TMEM62: variants seen among roughly 807,000 people sequenced by gnomAD.
The protein encoded by TMEM62 is transmembrane protein 62.
In TMEM62, 41 loss-of-function variants were observed where a neutral mutation model predicts 70.4. The observed-to-expected ratio is 0.58, with a 90% CI of 0.45 to 0.76. The LOEUF (loss-of-function observed/expected upper bound fraction) is 0.76, where lower values mean the gene tolerates loss of function less well. Among genes scored for constraint, TMEM62 ranks in the 30% least tolerant of loss-of-function variants. TMEM62 has a pLI of 0.00. For synonymous variants in TMEM62, 268 were observed against 291.0 expected (o/e 0.92, Z 0.80); for missense variants, 688 against 788.5 (o/e 0.87, Z 1.53).
chr15:43,184,600 C>T lies in TMEM62; in HGVS notation c.*14C>T. 4 of 1,603,266 alleles carry T rather than the reference C, an allele frequency of 2.5e-6. No individual in the cohort carries two copies. The highest frequency in any genetic ancestry group is 8.5e-7 in the Non-Finnish European group (1 of 1,177,526). ...CTGAGCTCCTGAAGGCCATGTCTCA[C>T]CACTGGCAGCTGGGCAGAAGCCCAG... On this transcript the variant is annotated 3_prime_UTR_variant, in exon 14 of 14. Coordinates refer to ENST00000260403, the MANE Select transcript of TMEM62 (RefSeq NM_024956.4).
chr15:43,156,548 C>G (rs749506082), intron 9 of TMEM62, among the ~76,000 whole-genome samples: 2 of 152,080 alleles, frequency 1.3e-5, no homozygotes, highest in African/African-American at 2.4e-5. Flanking sequence ...TTCACAGTCA[C>G]TACAGTCTGG....
In TMEM62 at chr15:43,133,742, CG is replaced by C; in HGVS notation, c.-58del. 8.2e-7 allele frequency: 1 copy of C among 1,216,492 alleles called. No individual in the cohort carries two copies. The allele number at this position is 1,216,492 out of a possible 1,614,324, so 75.4% of individuals were successfully genotyped here. On this transcript the variant is annotated 5_prime_UTR_variant, in exon 1 of 14. Coordinates refer to ENST00000260403, the MANE Select transcript of TMEM62 (RefSeq NM_024956.4). ...CCGGAAGTGCAGGCAAAGCGGCTCC[CG>C]GGAGCGCCGCGCGGTCCTGCGCGGG...
chr15:43,163,918 G>A (rs1349006629), intron 10 of TMEM62, among the ~76,000 whole-genome samples: 2 of 152,198 alleles, frequency 1.3e-5, no homozygotes, highest in African/African-American at 4.8e-5. Context: ...AAGCACCTAG[G>A]TCATATGTCA....
In TMEM62 at chr15:43,154,750, T is replaced by A. The variant is rs189259724; in HGVS notation, c.1101T>A (p.His367Gln). Residue 367 changes from histidine (H) to glutamine (Q), a missense_variant, in exon 9 of 14, where the codon CAT (histidine) becomes CAA (glutamine). Transcript: ENST00000260403. ...GAGTTCATTTAGGCCAGGCTGTTCA[T>A]GTGTCTGGTCCCATTTTCGTACTGA... ...IDGVHLGQAV[H>Q]VSGPIFVLKW... is the part of the protein sequence containing the mutation. 2 of 1,614,094 alleles carry A rather than the reference T, an allele frequency of 1.2e-6. No homozygotes were observed. The highest frequency in any genetic ancestry group is 2.2e-5 in the South Asian group (2 of 91,074).
Position 43,175,899 on chromosome 15 carries a change from C to T in TMEM62, c.1382-2708C>T, listed in dbSNP as rs889617723. ...GCGAGGCATTGCCTCACTCGGGAAG[C>T]GCAAGGGGTCGGGGAGTTCCCTTTC... On this transcript the variant is annotated intron_variant, in intron 11 of 13. Coordinates refer to ENST00000260403, the MANE Select transcript of TMEM62 (RefSeq NM_024956.4). Among the ~76,000 whole-genome samples, 8 of 152,198 alleles carry T rather than the reference C, an allele frequency of 5.3e-5. No homozygotes were observed. In the South Asian group the frequency reaches 1.0e-3, roughly 20 times the overall value.
At position 43,133,801 on chromosome 15, in the gene TMEM62, G is replaced by C; in HGVS notation, c.-2G>C. On this transcript the variant is annotated 5_prime_UTR_variant, in exon 1 of 14. Transcript: ENST00000260403. ...AGGGCCGCGCCCCGGCGGGCGGGCG[G>C]CATGGCTGCAGTGCTGGCTCTCAGG... 7.3e-7 allele frequency: 1 copy of C among 1,375,344 alleles called. No individual in the cohort carries two copies. The highest frequency in any genetic ancestry group is 9.3e-7 in the Non-Finnish European group (1 of 1,071,768). The allele number at this position is 1,375,344 out of a possible 1,614,324, so 85.2% of individuals were successfully genotyped here. A position where few individuals can be genotyped will look rare whatever the true frequency, so the allele number is the denominator to read the frequency against.
Position 43,181,160 on chromosome 15 carries a change from T to C in TMEM62, c.1487-21T>C, listed in dbSNP as rs776973709. The C allele has an allele frequency of 4.9e-6, 7 of 1,437,764 alleles. No homozygotes were observed. The East Asian group carries it at 1.6e-4, about 33-fold the overall frequency. The allele number at this position is 1,437,764 out of a possible 1,614,324, so 89.1% of individuals were successfully genotyped here. ...TTATAGTTATTTAATCTCCTCCTTT[T>C]TTGTCCATTGCCTCTTTTAGGTCCA... On this transcript the variant is annotated intron_variant, in intron 12 of 13. Transcript: ENST00000260403.
intron 4 of TMEM62, among the ~76,000 whole-genome samples, chr15:43,140,327 G>A (rs574115427): frequency 7.2e-5 from 11 of 152,224 alleles, no homozygotes; most frequent in African/African-American, 2.2e-4. Context: ...CCACCTTCTC[G>A]GCCTCCTTCT....
chr15:43,141,862 G>A (rs958801407), intron 4 of TMEM62, among the ~76,000 whole-genome samples: 4 of 152,226 alleles, frequency 2.6e-5, no homozygotes, highest in Non-Finnish European at 5.9e-5. Flanking sequence ...AGGAAGAACT[G>A]TAAATGTGGA....
In TMEM62 at chr15:43,149,132, G is replaced by A. The variant is rs534631194; in HGVS notation, c.847G>A (p.Asp283Asn). The A allele has an allele frequency of 7.4e-6, 12 of 1,614,062 alleles. No individual in the cohort carries two copies. Among genetic ancestry groups the A allele is most frequent in the South Asian group, 4.4e-5 (4 of 91,062 alleles). ...GGGCACTTTGGAACTTGAGGTGGGA[G>A]ACTGGAAGGATAATAGGAGGTAAGG... ...FQGTLELEVG[D>N]WKDNRRYRIF... Residue 283 changes from aspartate (D) to asparagine (N), a missense_variant, in exon 7 of 14, where the codon GAC becomes AAC. By Grantham distance (23) the Asp-to-Asn change is conservative. Transcript: ENST00000260403.
chr15:43,185,124 G>T lies in TMEM62; in HGVS notation c.*538G>T. 3.1e-6 allele frequency: 1 copy of T among 322,352 alleles called. No individual in the cohort carries two copies. The highest frequency in any genetic ancestry group is 5.8e-6 in the Non-Finnish European group (1 of 172,204). 20.0% of individuals were successfully genotyped at this position (322,352 alleles called of 1,614,324 possible). On this transcript the variant is annotated 3_prime_UTR_variant, in exon 14 of 14. Coordinates refer to ENST00000260403, the MANE Select transcript of TMEM62 (RefSeq NM_024956.4). The stretch of plus-strand genomic sequence containing the variant: ...AGTGTTTTCAACTAATCAAATAAAT[G>T]AATGAATGATGAATAAGAAAGACGG...
intron 13 of TMEM62, among the ~76,000 whole-genome samples, 172 bp downstream of exon 13, chr15:43,181,471 A>G (rs1239428971): frequency 6.6e-6 from 1 of 152,060 alleles, no homozygotes; most frequent in Non-Finnish European, 1.5e-5. Flanking sequence ...TGCTTCCTAA[A>G]CTCCTTCCAC....
Position 43,151,820 on chromosome 15 carries a change from C to A in TMEM62, c.897C>A (p.Leu299=), listed in dbSNP as rs1442431872. The A allele has an allele frequency of 5.0e-6, 8 of 1,613,840 alleles. No individual in the cohort carries two copies. Among genetic ancestry groups the A allele is most frequent in the African/African-American group, 1.3e-5 (1 of 74,922 alleles). ...RYRIFAFDHD[L]FSFADLIFGK... Reference sequence around the variant, plus strand: ...GGATTTTTGCTTTTGATCACGACCTCTTTAGCTTTGCAGATTTGATCTTTG... The same window carrying A: ...GGATTTTTGCTTTTGATCACGACCTATTTAGCTTTGCAGATTTGATCTTTG... Residue 299 remains leucine, a synonymous_variant, in exon 8 of 14, where the codon CTC becomes CTA. Transcript: ENST00000260403.
chr15:43,168,565 T>A (rs1314849626), intron 10 of TMEM62, among the ~76,000 whole-genome samples: 1 of 152,132 alleles, frequency 6.6e-6, no homozygotes, highest in Non-Finnish European at 1.5e-5. Flanking sequence ...TGGTGCTTTA[T>A]TTTTACTGTG....
chr15:43,133,923 C>T lies in TMEM62; in HGVS notation c.121C>T (p.Pro41Ser). The change falls in exon 1 of 14, where the codon CCC becomes TCC. Residue 41 changes from proline to serine, a missense_variant. Physicochemically the swap from Pro to Ser is moderately conservative, Grantham distance 74. Coordinates refer to ENST00000260403, the MANE Select transcript of TMEM62 (RefSeq NM_024956.4). ...CTCGCCGCTGCCGCGCCCCGCGCCC[C>T]CCAGGAGGCCGCACCCTGCGCCAGG... ...QPSPLPRPAPPRRPHPAPGPG... is the reference protein window; with the variant it reads ...QPSPLPRPAPSRRPHPAPGPG... The T allele has an allele frequency of 6.7e-7, 1 of 1,492,052 alleles. No homozygotes were observed. The highest frequency in any genetic ancestry group is 8.9e-7 in the Non-Finnish European group (1 of 1,128,508). The allele number at this position is 1,492,052 out of a possible 1,614,324, so 92.4% of individuals were successfully genotyped here.
chr15:43,162,557 G>T (rs1430753998), intron 10 of TMEM62, among the ~76,000 whole-genome samples: 3 of 151,668 alleles, frequency 2.0e-5, no homozygotes, highest in Non-Finnish European at 4.4e-5. Flanking sequence ...TCAGTCTCCT[G>T]AGTAGCCAGG....
chr15:43,134,463 C>T (rs1171655053), intron 2 of TMEM62, 95 bp downstream of exon 2: 21 of 940,330 alleles, frequency 2.2e-5, no homozygotes, highest in Non-Finnish European at 3.4e-5. Flanking sequence ...ACGTTGGGAG[C>T]AGTATAGCCA....
At chr15:43,133,564 C>T, upstream of TMEM62, 2 of 365,472 alleles carry the variant, frequency 5.5e-6, no homozygotes, top group Non-Finnish European at 9.8e-6. Flanking sequence ...GATCGTATTA[C>T]TTATGCAAAA....
chr15:43,173,216 T>A (rs1225150277), intron 11 of TMEM62, among the ~76,000 whole-genome samples: 1 of 152,110 alleles, frequency 6.6e-6, no homozygotes, highest in Non-Finnish European at 1.5e-5. Context: ...AACAACCCAT[T>A]AATTATTTCT....
Sources: gnomAD v4.1 joint callset for allele counts (sites outside exome capture counted in the v4.1 genomes callset) on GRCh38, gnomAD v4.1.1 for gene constraint, MANE v1.5 for transcripts, NCBI Gene and HGNC (gene_info 2026-07-23, HGNC 2026-07-21) for gene names.